The following POLH variants were observed in gnomAD, a reference collection of about 807,000 sequenced individuals.
The protein encoded by POLH is DNA polymerase eta.
POLH carries 53 observed loss-of-function variants against 73.6 expected under a neutral mutation model. The observed-to-expected ratio is 0.72, with a 90% CI of 0.58 to 0.91. The LOEUF is 0.91. Among genes scored for constraint, POLH ranks in the 40% least tolerant of loss-of-function variants. POLH has a pLI of 0.00. For missense variants in POLH, 768 were observed against 865.4 expected (o/e 0.89, Z 1.41); for synonymous variants, 292 against 308.5 (o/e 0.95, Z 0.56).
chr6:43,611,791 C>T (rs1318035776), intron 10 of POLH, among the ~76,000 whole-genome samples: 1 of 152,074 alleles, frequency 6.6e-6, no homozygotes, highest in African/African-American at 2.4e-5. Flanking sequence ...CGCGGTGGCT[C>T]ACGGCTGTAA....
chr6:43,602,042 G>C (rs1484312697), intron 6 of POLH, among the ~76,000 whole-genome samples: 1 of 152,182 alleles, frequency 6.6e-6, no homozygotes, highest in Non-Finnish European at 1.5e-5. Context: ...TGGGTGACAA[G>C]AGCAAGACTC....
chr6:43,587,353 C>T lies in POLH; in HGVS notation c.354C>T (p.Tyr118=), dbSNP rs1181853308. ...AACGTGCCAGCATTGATGAGGCTTA[C>T]GTAGATCTGACCAGTGCTGTACAAG... The part of the protein sequence containing the change: ...VIERASIDEA[Y]VDLTSAVQER... Residue 118 remains tyrosine, a synonymous_variant, in exon 4 of 11, where the codon TAC becomes TAT. Transcript: ENST00000372236. 1.8e-5 allele frequency: 29 copies of T among 1,613,946 alleles called. 2 individuals carry two copies. Among genetic ancestry groups the T allele is most frequent in the South Asian group, 9.9e-5 (9 of 91,088 alleles).
chr6:43,586,708 G>A (rs1446111262), intron 3 of POLH, among the ~76,000 whole-genome samples: 1 of 152,162 alleles, frequency 6.6e-6, no homozygotes, highest in Non-Finnish European at 1.5e-5. Flanking sequence ...GTTAAGGCAT[G>A]TGTGTGTATG....
chr6:43,606,364 T>TA (rs532419432), intron 9 of POLH, among the ~76,000 whole-genome samples: 4 of 149,882 alleles, frequency 2.7e-5, no homozygotes, highest in Non-Finnish European at 5.9e-5. Context: ...ATATTTGACT[T>TA]AAAAAAAAAA....
rs1366663866 is a variant in POLH, at chr6:43,615,673, A to T, written c.*1116A>T. The T allele has an allele frequency of 6.6e-6, 1 of 151,648 alleles. No individual in the cohort carries two copies. Among genetic ancestry groups the T allele is most frequent in the Non-Finnish European group, 1.5e-5 (1 of 67,870 alleles). 9.4% of individuals were successfully genotyped at this position (151,648 alleles called of 1,614,324 possible). A position where few individuals can be genotyped will look rare whatever the true frequency, so the allele number is the denominator to read the frequency against. ...TAAAAAAAAAAAAGGGATTATTTTT[A>T]TTTTTATTTTTTATTTTTGAGACGG... On this transcript the variant is annotated 3_prime_UTR_variant, in exon 11 of 11. Transcript: ENST00000372236.
At chr6:43,582,966 C>T (rs1764451515) in intron 2 of POLH, 41 bp from the exon 3 acceptor site, 7 of 1,565,584 alleles carry the variant, frequency 4.5e-6, no homozygotes, top group Non-Finnish European at 6.1e-6. Flanking sequence ...TGCTTGTGAT[C>T]ATATAATATG....
intron 1 of POLH, among the ~76,000 whole-genome samples, chr6:43,580,031 G>C (rs531041417): frequency 6.9e-6 from 1 of 144,416 alleles, no homozygotes; most frequent in East Asian, 2.0e-4. Context: ...AAGGTCTCTG[G>C]TTTTCCTAGG....
chr6:43,597,597 A>G (rs889268553), intron 4 of POLH, 99 bp from the exon 5 acceptor site: 10 of 1,151,302 alleles, frequency 8.7e-6, no homozygotes, highest in African/African-American at 1.5e-5. Context: ...GAAAACTTAT[A>G]TGTCTAAATA....
rs757516219 is a variant in POLH at position 43,582,442 on chromosome 6, A to T, written c.123A>T (p.Ser41=). 6.2e-7 allele frequency: 1 copy of T among 1,613,942 alleles called. No homozygotes were observed. Among genetic ancestry groups the T allele is most frequent in the African/African-American group, 1.3e-5 (1 of 75,034 alleles). Reference sequence around the variant, plus strand: ...CTTGTGCAGTTGTACAGTACAAATCATGGAAGGGTGGTGGGTATGTATCAT... The same window carrying T: ...CTTGTGCAGTTGTACAGTACAAATCTTGGAAGGGTGGTGGGTATGTATCAT... The part of the protein sequence containing the change: ...NKPCAVVQYK[S]WKGGGIIAVS... The change falls in exon 2 of 11, where the codon TCA becomes TCT. Residue 41 remains serine, a synonymous_variant. Transcript: ENST00000372236.
In POLH at chr6:43,617,125, G is replaced by A. The variant is rs777431113; in HGVS notation, c.*2568G>A. Among the ~76,000 whole-genome samples, 49 of 152,028 alleles carry A rather than the reference G, an allele frequency of 3.2e-4. No homozygotes were observed. The highest frequency in any genetic ancestry group is 6.6e-4 in the Non-Finnish European group (45 of 68,006). On this transcript the variant is annotated 3_prime_UTR_variant, in exon 11 of 11. Transcript: ENST00000372236. ...GAATCACTTGAACCTGGGAGGCAGA[G>A]GTTGCAGTGAGCCGAGATTTCCACT...
rs2127762501 is a variant in POLH, at chr6:43,576,247, C to T, written c.-198C>T. The T allele has an allele frequency of 5.8e-6, 1 of 172,668 alleles. No homozygotes were observed. The highest frequency in any genetic ancestry group is 1.2e-5 in the Non-Finnish European group (1 of 81,816). The allele number at this position is 172,668 out of a possible 1,614,324, so 10.7% of individuals were successfully genotyped here. On this transcript the variant is annotated 5_prime_UTR_variant, in exon 1 of 11. Coordinates refer to ENST00000372236, the MANE Select transcript of POLH (RefSeq NM_006502.3). ...CTGATCCCTGCTGGGGACGGTTGCC[C>T]GGGCAGGATCCTTTACGATCCCTTC...
intron 6 of POLH, among the ~76,000 whole-genome samples, chr6:43,601,858 G>C (rs1766773304): frequency 6.6e-6 from 1 of 152,058 alleles, no homozygotes. Flanking sequence ...AGGAGTTCGA[G>C]ACCAGCCTGG....
intron 4 of POLH, chr6:43,591,341 A>G (rs1765439525): frequency 6.6e-6 from 1 of 151,998 alleles, no homozygotes; most frequent in South Asian, 2.1e-4. Flanking sequence ...CATATGCAAC[A>G]CTGATTTTTT....
rs1403395371 is a variant in POLH at position 43,613,895 on chromosome 6, A to G, written c.1480A>G (p.Lys494Glu). ...FQKAAERQKV[K>E]EASLSSLTAP... ...AAAAGCTGCAGAAAGGCAGAAAGTTAAAGAAGCTTCGCTTTCATCTCTTAC... is the reference window on the plus strand; with the variant it reads ...AAAAGCTGCAGAAAGGCAGAAAGTTGAAGAAGCTTCGCTTTCATCTCTTAC... Residue 494 changes from lysine (K) to glutamate (E), a missense_variant, in exon 11 of 11, where the codon AAA becomes GAA. Physicochemically the swap from Lys to Glu is moderately conservative, Grantham distance 56 (BLOSUM62 1). Coordinates refer to ENST00000372236, the MANE Select transcript of POLH (RefSeq NM_006502.3). The G allele has an allele frequency of 6.2e-7, 1 of 1,613,856 alleles. No homozygotes were observed. Among genetic ancestry groups the G allele is most frequent in the African/African-American group, 1.3e-5 (1 of 74,956 alleles).
chr6:43,585,396 C>G (rs1295283689), intron 3 of POLH, among the ~76,000 whole-genome samples: 7 of 152,046 alleles, frequency 4.6e-5, no homozygotes, highest in Non-Finnish European at 1.0e-4. Context: ...CTCCCCTCCC[C>G]AGAAGTTGAG....
chr6:43,614,551 A>T lies in POLH; in HGVS notation c.2136A>T (p.Thr712=). The change falls in exon 11 of 11, where the codon ACA becomes ACT. Residue 712 remains threonine, a synonymous_variant. Coordinates refer to ENST00000372236, the MANE Select transcript of POLH (RefSeq NM_006502.3). The part of the protein sequence containing the change: ...QTLESFFKPL[T]H The stretch of plus-strand genomic sequence containing the variant: ...TGGAATCATTTTTTAAGCCATTAAC[A>T]CATTAGTGCTGCCCTCAGGCTTGCC... The T allele has an allele frequency of 6.2e-7, 1 of 1,613,260 alleles. No individual in the cohort carries two copies. Among genetic ancestry groups the T allele is most frequent in the Non-Finnish European group, 8.5e-7 (1 of 1,179,682 alleles).
At position 43,615,685 on chromosome 6, in the gene POLH, T is replaced by A. The variant is rs1475565206; in HGVS notation, c.*1128T>A. 2.6e-5 allele frequency: 4 copies of A among 152,018 alleles called. No homozygotes were observed. The highest frequency in any genetic ancestry group is 9.7e-5 in the African/African-American group (4 of 41,418). The allele number at this position is 152,018 out of a possible 1,614,324, so 9.4% of individuals were successfully genotyped here. ...AGGGATTATTTTTATTTTTATTTTT[T>A]ATTTTTGAGACGGAGTCTCCCTCTG... On this transcript the variant is annotated 3_prime_UTR_variant, in exon 11 of 11. Coordinates refer to ENST00000372236, the MANE Select transcript of POLH (RefSeq NM_006502.3).
At chr6:43,580,993 A>AC (rs1200040379) in intron 1 of POLH, among the ~76,000 whole-genome samples, 9,172 of 81,318 alleles carry the variant, frequency 0.11, 218 homozygotes, top group African/African-American at 0.31. Flanking sequence ...CGGGGGGCTG[A>AC]CCCCCCCCCA....
At chr6:43,582,745 C>A (rs1561897329) in intron 2 of POLH, among the ~76,000 whole-genome samples, 1 of 152,170 alleles carries the variant, frequency 6.6e-6, no homozygotes, top group East Asian at 1.9e-4. Flanking sequence ...GCAGGGCTCA[C>A]TATATTGCCC....
Sources: gnomAD v4.1 joint callset for allele counts (sites outside exome capture counted in the v4.1 genomes callset) on GRCh38, gnomAD v4.1.1 for gene constraint, MANE v1.5 for transcripts, NCBI Gene and HGNC (gene_info 2026-07-23, HGNC 2026-07-21) for gene names.